MTA3: variants seen among roughly 807,000 people sequenced by gnomAD.
MTA3 encodes the protein metastasis associated 1 family member 3, also known as metastasis-associated protein MTA3.
Under a neutral mutation model 83.5 loss-of-function variants are expected in MTA3, and 34 were observed. The ratio of observed to expected loss-of-function variants is 0.41; its 90% confidence interval spans 0.31 to 0.54. The LOEUF (loss-of-function observed/expected upper bound fraction) is 0.54. Among genes scored for constraint, MTA3 ranks in the 20% least tolerant of loss-of-function variants. The probability of loss-of-function intolerance (pLI) is 0.33; values close to 1 mark genes in which losing one functional copy is unlikely to be tolerated. For missense variants in MTA3, 761 were observed against 726.4 expected, an observed-to-expected ratio of 1.05 and a Z score of -0.55; for synonymous variants, 303 against 252.7, an observed-to-expected ratio of 1.20 and a Z score of -1.89.
At chr2:42,527,836 A>C (rs1218185004) in intron 2 of MTA3, among the ~76,000 whole-genome samples, 1 of 151,840 alleles carries the variant, frequency 6.6e-6, no homozygotes, top group East Asian at 1.9e-4. Context: ...AAAAAAAAAA[A>C]ACAAAAACAA....
intron 9 of MTA3, among the ~76,000 whole-genome samples, chr2:42,693,952 A>C (rs901819016): frequency 2.0e-5 from 3 of 152,168 alleles, no homozygotes; most frequent in Non-Finnish European, 4.4e-5. Flanking sequence ...CTCGGGGCCC[A>C]TGGGCTCTTT....
At chr2:42,546,685 A>C (rs1382722876) in intron 2 of MTA3, among the ~76,000 whole-genome samples, 1 of 152,134 alleles carries the variant, frequency 6.6e-6, no homozygotes. Context: ...AATTACTTAG[A>C]GTTTCCTACA....
intron 8 of MTA3, among the ~76,000 whole-genome samples, chr2:42,663,177 T>TG (rs1229233341): frequency 6.6e-6 from 1 of 152,242 alleles, no homozygotes; most frequent in Non-Finnish European, 1.5e-5. Context: ...AGATTATAAC[T>TG]GGGGATGTGG....
rs35633597 is a variant in MTA3, at chr2:42,664,466, CTTTTTTTTTTTT to C, written c.702+4621_702+4632del. Among the ~76,000 whole-genome samples, 47 of 85,758 alleles carry C rather than the reference CTTTTTTTTTTTT, an allele frequency of 5.5e-4. 1 individual carries two copies. Among genetic ancestry groups the C allele is most frequent in the South Asian group, 1.7e-3 (4 of 2,306 alleles). 56.3% of individuals were successfully genotyped at this position (85,758 alleles called of 152,430 possible). On this transcript the variant is annotated intron_variant, in intron 8 of 16. Coordinates refer to ENST00000405094, the MANE Select transcript of MTA3 (RefSeq NM_001330442.2). The stretch of plus-strand genomic sequence containing the variant: ...CCTACTACCCCCTCACCCCGCTTAC[CTTTTTTTTTTTT>C]TTTTTTTTTTTTTTTTGAGACAGTT...
chr2:42,612,089 C>T (rs1256923168), intron 4 of MTA3, among the ~76,000 whole-genome samples: 3 of 152,048 alleles, frequency 2.0e-5, no homozygotes, highest in Admixed American at 6.6e-5. Flanking sequence ...GTCTTTTTAT[C>T]GACCAATAAT....
intron 16 of MTA3, among the ~76,000 whole-genome samples, chr2:42,737,812 T>C (rs987405561): frequency 1.3e-5 from 2 of 152,198 alleles, no homozygotes; most frequent in African/African-American, 2.4e-5. Flanking sequence ...TCTAGTGTTT[T>C]TTCCACCGAA....
chr2:42,523,599 A>G lies in MTA3; in HGVS notation c.-141+28345A>G, dbSNP rs573980278. ...CAGCGTTTGTTCTTTAAGCCACCGC[A>G]TTCTGAAATTCTCTTTGAAACAGTA... is the stretch of plus-strand genomic sequence containing the variant. On this transcript the variant is annotated intron_variant, in intron 2 of 17. Transcript: ENST00000405592. Among the ~76,000 whole-genome samples, 5 of 152,230 alleles carry G rather than the reference A, an allele frequency of 3.3e-5. No individual in the cohort carries two copies. The South Asian group carries it at 1.0e-3, about 32-fold the overall frequency.
chr2:42,562,419 C>T (rs987433918), intron 2 of MTA3, among the ~76,000 whole-genome samples: 2 of 152,082 alleles, frequency 1.3e-5, no homozygotes, highest in African/African-American at 4.8e-5. Flanking sequence ...TCTTCCCTCC[C>T]CCTCCCCACC....
chr2:42,660,077 GTTTT>G (rs113008417), intron 8 of MTA3, among the ~76,000 whole-genome samples: 1 of 143,866 alleles, frequency 7.0e-6, no homozygotes, highest in East Asian at 2.0e-4. Context: ...AAGAGGGGCT[GTTTT>G]TTTTTTTTTC....
At chr2:42,748,478 A>C (rs1669616462) in intron 16 of MTA3, among the ~76,000 whole-genome samples, 1 of 152,162 alleles carries the variant, frequency 6.6e-6, no homozygotes, top group Non-Finnish European at 1.5e-5. Context: ...TACAGTATCA[A>C]ATCTACTATT....
intron 8 of MTA3, among the ~76,000 whole-genome samples, chr2:42,671,284 A>G (rs1426108241): frequency 6.6e-6 from 1 of 152,148 alleles, no homozygotes; most frequent in Non-Finnish European, 1.5e-5. Flanking sequence ...ACATTTTTAC[A>G]GTATTTTTAA....
chr2:42,625,909 C>G (rs1207616284), intron 4 of MTA3, among the ~76,000 whole-genome samples: 2 of 148,750 alleles, frequency 1.3e-5, no homozygotes, highest in Non-Finnish European at 3.0e-5. Context: ...GTAGTCTGTT[C>G]TCAAGTATTA....
intron 15 of MTA3, among the ~76,000 whole-genome samples, chr2:42,721,915 C>T (rs1331454220): frequency 1.2e-4 from 18 of 152,140 alleles, no homozygotes; most frequent in South Asian, 2.1e-4. Flanking sequence ...TCACTTTTTT[C>T]GGTGGTAGTA....
chr2:42,708,762 G>A (rs1362553624), intron 13 of MTA3, 112 bp from the exon 14 acceptor site: 7 of 1,113,296 alleles, frequency 6.3e-6, no homozygotes, highest in Non-Finnish European at 9.2e-6. Flanking sequence ...TGACGTTATA[G>A]ATGCTTCATG....
chr2:42,556,085 A>T (rs1354301218), intron 2 of MTA3, among the ~76,000 whole-genome samples: 6 of 150,572 alleles, frequency 4.0e-5, no homozygotes, highest in Non-Finnish European at 8.9e-5. Context: ...AAACAAAAGC[A>T]AACAAACAAA....
intron 16 of MTA3, among the ~76,000 whole-genome samples, chr2:42,749,536 C>T (rs11680239): frequency 6.6e-5 from 10 of 152,216 alleles, no homozygotes; most frequent in South Asian, 4.2e-4. Context: ...GGCATGATCT[C>T]GGCTCACTGC....
At chr2:42,509,030 G>T (rs1305132182) in intron 2 of MTA3, among the ~76,000 whole-genome samples, 1 of 151,654 alleles carries the variant, frequency 6.6e-6, no homozygotes, top group Admixed American at 6.6e-5. Flanking sequence ...TTATTCACCT[G>T]TTACTTGTTT....
chr2:42,613,616 A>G (rs1332578153), intron 4 of MTA3: 1 of 152,170 alleles, frequency 6.6e-6, no homozygotes, highest in East Asian at 1.9e-4. Context: ...GTGAATACTG[A>G]TGTTTTACTC....
At chr2:42,635,696 C>G (rs1687123852) in intron 4 of MTA3, among the ~76,000 whole-genome samples, 1 of 152,002 alleles carries the variant, frequency 6.6e-6, no homozygotes, top group African/African-American at 2.4e-5. Flanking sequence ...AAATGTCTTT[C>G]TTTAATGAAG....
Sources: gnomAD v4.1 joint callset for allele counts (sites outside exome capture counted in the v4.1 genomes callset) on GRCh38, gnomAD v4.1.1 for gene constraint, MANE v1.5 for transcripts, NCBI Gene and HGNC (gene_info 2026-07-23, HGNC 2026-07-21) for gene names.